The following ARHGEF3 variants were observed in gnomAD, a reference collection of about 807,000 sequenced individuals.
ARHGEF3 encodes the protein 59.8 kDA protein.
Under a neutral mutation model 63.2 loss-of-function variants are expected in ARHGEF3, and 28 were observed. That is an observed-to-expected ratio of 0.44 (90% CI 0.33 to 0.61). The LOEUF (loss-of-function observed/expected upper bound fraction) is 0.61. Ranked by LOEUF, ARHGEF3 falls within the 20% of genes least tolerant of loss-of-function variation. The pLI, the probability that ARHGEF3 is intolerant of heterozygous loss-of-function variation, is 0.03. For missense variants in ARHGEF3, 533 were observed against 659.3 expected, an observed-to-expected ratio of 0.81 and a Z score of 2.10; for synonymous variants, 266 against 254.2, an observed-to-expected ratio of 1.05 and a Z score of -0.44.
chr3:56,864,122 T>C (rs1215838836), intron 4 of ARHGEF3, among the ~76,000 whole-genome samples: 1 of 152,214 alleles, frequency 6.6e-6, no homozygotes, highest in East Asian at 1.9e-4. Flanking sequence ...GGTTTCATAA[T>C]CAACCAGAGG....
rs1411165934 is a variant in ARHGEF3 at position 56,801,754 on chromosome 3, C to G, written c.45G>C (p.Ala15=). The stretch of plus-strand genomic sequence containing the variant: ...CCGGGGGTAGCTCCAGGCTGCAGTT[C>G]GCTCTCTTGACCGTGAGGTAGAAGG... ...DYPFYLTVKR[A]NCSLELPPAS... Residue 15 remains alanine (A), a synonymous_variant, in exon 1 of 10, where the codon GCG becomes GCC. Transcript: ENST00000296315. 1.9e-6 allele frequency: 3 copies of G among 1,569,750 alleles called. No individual in the cohort carries two copies. In the Admixed American group the frequency reaches 5.6e-5, roughly 29 times the overall value.
At chr3:56,975,833 T>A (rs192358888) in intron 2 of ARHGEF3, 600 of 408,312 alleles carry the variant, frequency 1.5e-3, no homozygotes, top group African/African-American at 2.6e-3. Flanking sequence ...TAAAAAAAAA[T>A]AATAAAAACA....
Position 56,745,378 on chromosome 3 carries a change from G to A in ARHGEF3, c.697C>T (p.Arg233Ter). The change falls in exon 7 of 10, where the codon CGA becomes TGA. Residue 233 changes from arginine (R) to a stop codon, truncating the protein, a stop_gained. Transcript: ENST00000296315. LOFTEE classifies it high-confidence loss of function. ...CATCGCTGTAGGAAATCCTGGACTCGGTGATCTTGCTTTTTGTGGTCCAGC... is the reference window on the plus strand; with the variant it reads ...CATCGCTGTAGGAAATCCTGGACTCAGTGATCTTGCTTTTTGTGGTCCAGC... ...ALLDHKKQDH[R>*]VQDFLQRCLE... 1 of 1,614,048 alleles carries A rather than the reference G, an allele frequency of 6.2e-7. No homozygotes were observed. The highest frequency in any genetic ancestry group is 8.5e-7 in the Non-Finnish European group (1 of 1,180,020).
intron 3 of ARHGEF3, among the ~76,000 whole-genome samples, chr3:56,890,006 G>A (rs1229690627): frequency 6.6e-6 from 1 of 152,190 alleles, no homozygotes. Flanking sequence ...AGGCTGCAGT[G>A]AGCCAAGGTC....
intron 3 of ARHGEF3, among the ~76,000 whole-genome samples, chr3:56,931,973 C>G (rs1035953603): frequency 6.6e-6 from 1 of 152,068 alleles, no homozygotes; most frequent in Non-Finnish European, 1.5e-5. Context: ...GTTGTTGTTG[C>G]TGTTAGAAAA....
At chr3:56,952,939 T>C (rs994039312) in intron 3 of ARHGEF3, among the ~76,000 whole-genome samples, 3 of 152,192 alleles carry the variant, frequency 2.0e-5, no homozygotes, top group African/African-American at 7.2e-5. Context: ...GGTAATATAC[T>C]CTAACGGCCT....
intron 4 of ARHGEF3, among the ~76,000 whole-genome samples, chr3:56,810,224 T>C (rs1227601070): frequency 6.6e-6 from 1 of 152,206 alleles, no homozygotes; most frequent in Non-Finnish European, 1.5e-5. Flanking sequence ...AACCTAAGAC[T>C]GTAATATGTG....
At chr3:57,068,786 T>A (rs1427103362) in intron 1 of ARHGEF3, among the ~76,000 whole-genome samples, 1 of 152,086 alleles carries the variant, frequency 6.6e-6, no homozygotes, top group Non-Finnish European at 1.5e-5. Flanking sequence ...GGTTATATCA[T>A]TGTGTTTTTC....
chr3:56,774,960 G>T, intron 1 of ARHGEF3: 1 of 1,406,110 alleles, frequency 7.1e-7, no homozygotes, highest in South Asian at 1.4e-5. Flanking sequence ...AGAGAATGAT[G>T]ATAGACAAAA....
chr3:56,919,153 G>T (rs2042060786), intron 3 of ARHGEF3, among the ~76,000 whole-genome samples: 1 of 152,174 alleles, frequency 6.6e-6, no homozygotes, highest in East Asian at 1.9e-4. Flanking sequence ...ATCATCCAGG[G>T]TGAGCAGACA....
chr3:56,849,801 A>G (rs919618750), intron 4 of ARHGEF3, among the ~76,000 whole-genome samples: 5 of 152,232 alleles, frequency 3.3e-5, no homozygotes, highest in African/African-American at 9.6e-5. Flanking sequence ...GGCTGTTTCT[A>G]GAATTTAGAG....
chr3:57,037,189 C>T (rs1703998087), intron 1 of ARHGEF3, among the ~76,000 whole-genome samples: 1 of 152,014 alleles, frequency 6.6e-6, no homozygotes, highest in African/African-American at 2.4e-5. Context: ...AATGTGGATC[C>T]CAGAAGAAGA....
intron 2 of ARHGEF3, among the ~76,000 whole-genome samples, chr3:57,020,897 G>T (rs890222295): frequency 3.9e-5 from 6 of 152,224 alleles, no homozygotes; most frequent in Non-Finnish European, 8.8e-5. Context: ...AAGTCTCTTA[G>T]TTATAAGGGA....
At chr3:57,064,073 C>T (rs1013270555) in intron 1 of ARHGEF3, among the ~76,000 whole-genome samples, 1 of 152,154 alleles carries the variant, frequency 6.6e-6, no homozygotes, top group Non-Finnish European at 1.5e-5. Flanking sequence ...TCGAGACCAG[C>T]CTGGGCAACA....
intron 3 of ARHGEF3, among the ~76,000 whole-genome samples, chr3:56,911,791 T>C (rs1050387549): frequency 1.3e-5 from 2 of 152,030 alleles, no homozygotes; most frequent in African/African-American, 2.4e-5. Context: ...GTCCTGTTGT[T>C]GCTAAGCCCT....
At chr3:56,930,296 CA>C (rs1375329343) in intron 3 of ARHGEF3, among the ~76,000 whole-genome samples, 3 of 152,138 alleles carry the variant, frequency 2.0e-5, no homozygotes, top group African/African-American at 7.2e-5. Flanking sequence ...TGGCTGTAAG[CA>C]ACAATAGTTG....
At position 56,777,523 on chromosome 3, in the gene ARHGEF3, TCATTCTTCCCCTCAA is replaced by T. The variant is rs780462132; in HGVS notation, c.97-3722_97-3708del. Among the ~76,000 whole-genome samples the T allele has an allele frequency of 1.6e-3, 251 of 152,194 alleles. 5 individuals carry two copies. Among genetic ancestry groups the T allele is most frequent in the Admixed American group, 5.9e-4 (9 of 15,280 alleles). On this transcript the variant is annotated intron_variant, in intron 1 of 9. Transcript: ENST00000296315. ...GGATACAATGATTTTTATCCTCTCC[TCATTCTTCCCCTCAA>T]CAGGTAAAAGCCAAAGCAGACTATA... is the stretch of plus-strand genomic sequence containing the variant.
At chr3:56,974,378 C>T (rs1701040739) in intron 2 of ARHGEF3, among the ~76,000 whole-genome samples, 1 of 152,140 alleles carries the variant, frequency 6.6e-6, no homozygotes, top group Non-Finnish European at 1.5e-5. Context: ...ATTTCTTCAG[C>T]ATACACACAC....
At chr3:57,001,143 T>C (rs932397547) in intron 2 of ARHGEF3, among the ~76,000 whole-genome samples, 1 of 152,160 alleles carries the variant, frequency 6.6e-6, no homozygotes, top group Non-Finnish European at 1.5e-5. Context: ...TCTTGCTATG[T>C]TGCCCAGGCT....
Sources: gnomAD v4.1 joint callset for allele counts (sites outside exome capture counted in the v4.1 genomes callset) on GRCh38, gnomAD v4.1.1 for gene constraint, MANE v1.5 for transcripts, NCBI Gene and HGNC (gene_info 2026-07-23, HGNC 2026-07-21) for gene names.